The following EIF3A variants were observed in gnomAD, a reference collection of about 807,000 sequenced individuals.
EIF3A encodes EIF3, p180 subunit.
Under a neutral mutation model 186.6 loss-of-function variants are expected in EIF3A, and 21 were observed. The observed-to-expected ratio is 0.11, with a 90% CI of 0.08 to 0.16. EIF3A has a LOEUF of 0.16. Among genes scored for constraint, EIF3A ranks in the 10% least tolerant of loss-of-function variants. The probability of loss-of-function intolerance (pLI) is 1.00; values close to 1 mark genes in which losing one functional copy is unlikely to be tolerated. For synonymous variants in EIF3A, 563 were observed against 584.3 expected, an observed-to-expected ratio of 0.96 and a Z score of 0.52; for missense variants, 1,306 against 1,796.3, an observed-to-expected ratio of 0.73 and a Z score of 4.93.
chr10:119,055,870 T>A (rs193190288), intron 14 of EIF3A, among the ~76,000 whole-genome samples: 135 of 152,296 alleles, frequency 8.9e-4, no homozygotes, highest in African/African-American at 3.1e-3. Context: ...CTACCCTACA[T>A]GAAAAACTGA....
Position 119,036,000 on chromosome 10 carries a change from C to T in EIF3A, c.*39G>A. The T allele has an allele frequency of 6.8e-7, 1 of 1,460,858 alleles. No individual in the cohort carries two copies. Among genetic ancestry groups the T allele is most frequent in the Non-Finnish European group, 9.6e-7 (1 of 1,040,786 alleles). The allele number at this position is 1,460,858 out of a possible 1,614,324, so 90.5% of individuals were successfully genotyped here. ...ATAATAATCCTTGAATGTGATCAAA[C>T]CTATTTAAGACACCAGTTTAAATCC... On this transcript the variant is annotated 3_prime_UTR_variant, in exon 22 of 22. Transcript: ENST00000369144.
intron 14 of EIF3A, among the ~76,000 whole-genome samples, chr10:119,056,049 C>G (rs1843778767): frequency 6.6e-6 from 1 of 152,090 alleles, no homozygotes; most frequent in Non-Finnish European, 1.5e-5. Flanking sequence ...CAGATTAAAC[C>G]AAGAAAAGGC....
chr10:119,062,184 C>T (rs1330572322), intron 7 of EIF3A, among the ~76,000 whole-genome samples: 2 of 152,058 alleles, frequency 1.3e-5, no homozygotes, highest in Non-Finnish European at 2.9e-5. Context: ...AATTCCCTAA[C>T]TTAGAATCTG....
intron 18 of EIF3A, among the ~76,000 whole-genome samples, chr10:119,043,448 GAAAC>G (rs753895929): frequency 2.5e-4 from 38 of 150,010 alleles, no homozygotes; most frequent in East Asian, 6.0e-4. Flanking sequence ...CAAAAACAAA[GAAAC>G]AAACAAACAA....
intron 7 of EIF3A, among the ~76,000 whole-genome samples, chr10:119,064,474 T>TA (rs941401909): frequency 6.6e-6 from 1 of 152,174 alleles, no homozygotes; most frequent in African/African-American, 2.4e-5. Context: ...ATCCTCATGA[T>TA]AAGAGTTCTC....
chr10:119,044,281 T>G lies in EIF3A; in HGVS notation c.2659-139A>C, dbSNP rs1162517978. On this transcript the variant is annotated intron_variant, in intron 17 of 21. Transcript: ENST00000369144. ...AAGCAAGTTTTAAAATTTCATTTATTTTTTAATCTGAGATCAGACTGACGC... is the reference window on the plus strand; with the variant it reads ...AAGCAAGTTTTAAAATTTCATTTATGTTTTAATCTGAGATCAGACTGACGC... The G allele has an allele frequency of 1.1e-5, 7 of 637,970 alleles. No individual in the cohort carries two copies. The Admixed American group carries it at 2.0e-4, about 18-fold the overall frequency. The allele number at this position is 637,970 out of a possible 1,614,324, so 39.5% of individuals were successfully genotyped here.
intron 17 of EIF3A, among the ~76,000 whole-genome samples, chr10:119,044,793 A>ACC (rs1370757217): frequency 6.6e-6 from 1 of 152,170 alleles, no homozygotes; most frequent in Non-Finnish European, 1.5e-5. Context: ...ACTTGCAGTT[A>ACC]CCCAACATCA....
intron 17 of EIF3A, 52 bp downstream of exon 17, chr10:119,049,747 CAA>C (rs80329813): frequency 2.0e-4 from 231 of 1,149,358 alleles, no homozygotes; most frequent in Admixed American, 3.1e-4. Flanking sequence ...GTGCCTCAAC[CAA>C]AAAAAAAAAG....
intron 7 of EIF3A, among the ~76,000 whole-genome samples, chr10:119,061,766 AC>A (rs1843891613): frequency 6.6e-6 from 1 of 152,218 alleles, no homozygotes; most frequent in Non-Finnish European, 1.5e-5. Flanking sequence ...CATAAAATAA[AC>A]AAAAATGCTC....
chr10:119,048,696 G>A (rs1848315590), intron 17 of EIF3A, among the ~76,000 whole-genome samples: 1 of 150,782 alleles, frequency 6.6e-6, no homozygotes, highest in Non-Finnish European at 1.5e-5. Context: ...CCCTGAGACA[G>A]AGTCTTGCTC....
At chr10:119,077,445 T>C (rs1844196023) in intron 1 of EIF3A, among the ~76,000 whole-genome samples, 1 of 152,166 alleles carries the variant, frequency 6.6e-6, no homozygotes, top group African/African-American at 2.4e-5. Context: ...AGAGAGATTC[T>C]GTCTCAAATA....
chr10:119,074,008 A>G lies in EIF3A; in HGVS notation c.50-71T>C, dbSNP rs564256503. 2.9e-4 allele frequency: 384 copies of G among 1,301,904 alleles called. 1 individual carries two copies. The highest frequency in any genetic ancestry group is 1.2e-3 in the South Asian group (62 of 53,318). 80.6% of individuals were successfully genotyped at this position (1,301,904 alleles called of 1,614,324 possible). A position where few individuals can be genotyped will look rare whatever the true frequency, so the allele number is the denominator to read the frequency against. ...GAGTCTAAACTTTACCTTTTTAAAC[A>G]GCTATTTCAATTCCCCAACTCATTA... On this transcript the variant is annotated intron_variant, in intron 1 of 21. Coordinates refer to ENST00000369144, the MANE Select transcript of EIF3A (RefSeq NM_003750.4).
chr10:119,062,328 A>G (rs980520165), intron 7 of EIF3A, among the ~76,000 whole-genome samples: 3 of 152,328 alleles, frequency 2.0e-5, no homozygotes, highest in Non-Finnish European at 4.4e-5. Flanking sequence ...ATTTCTCACT[A>G]AAATACATGA....
At chr10:119,079,037 T>G (rs992206617) in intron 1 of EIF3A, among the ~76,000 whole-genome samples, 1 of 152,146 alleles carries the variant, frequency 6.6e-6, no homozygotes, top group South Asian at 2.1e-4. Context: ...TGCAAATCAT[T>G]TTGTATACTA....
intron 1 of EIF3A, among the ~76,000 whole-genome samples, chr10:119,078,599 A>G (rs979879913): frequency 2.0e-5 from 3 of 152,124 alleles, no homozygotes; most frequent in Non-Finnish European, 4.4e-5. Flanking sequence ...ATCCAAAGGT[A>G]TGAGTTTCTA....
At chr10:119,039,421 A>G (rs925057749) in intron 19 of EIF3A, among the ~76,000 whole-genome samples, 1 of 151,810 alleles carries the variant, frequency 6.6e-6, no homozygotes, top group African/African-American at 2.4e-5. Flanking sequence ...CTGTAATCTC[A>G]GGAATTTGGG....
intron 17 of EIF3A, among the ~76,000 whole-genome samples, chr10:119,046,970 T>A (rs2119818281): frequency 7.1e-6 from 1 of 140,834 alleles, no homozygotes; most frequent in East Asian, 2.2e-4. Flanking sequence ...ATAGAGAAAA[T>A]AAAAGTGAAC....
chr10:119,046,857 T>C (rs1228339653), intron 17 of EIF3A, among the ~76,000 whole-genome samples: 1 of 152,094 alleles, frequency 6.6e-6, no homozygotes, highest in Non-Finnish European at 1.5e-5. Flanking sequence ...CTTGGGAGGC[T>C]GAGGCAGGAG....
chr10:119,037,028 T>C (rs1848138158), intron 21 of EIF3A, 91 bp downstream of exon 21: 1 of 921,988 alleles, frequency 1.1e-6, no homozygotes, highest in African/African-American at 1.7e-5. Context: ...TTGGCCTTCA[T>C]ACAAATTTAT....
Sources: gnomAD v4.1 joint callset for allele counts (sites outside exome capture counted in the v4.1 genomes callset) on GRCh38, gnomAD v4.1.1 for gene constraint, MANE v1.5 for transcripts, NCBI Gene and HGNC (gene_info 2026-07-23, HGNC 2026-07-21) for gene names.